Variants in EVL observed in about 807,000 individuals in gnomAD.
The protein encoded by EVL is ena/VASP-like protein.
EVL carries 21 observed loss-of-function variants against 59.6 expected under a neutral mutation model. That is an observed-to-expected ratio of 0.35 (90% CI 0.25 to 0.51). The LOEUF (loss-of-function observed/expected upper bound fraction) is 0.51. EVL is among the 20% of genes least tolerant of loss of function. EVL has a pLI of 0.97. For synonymous variants in EVL, 198 were observed against 203.5 expected (o/e 0.97, Z 0.23); for missense variants, 462 against 546.6 (o/e 0.85, Z 1.54).
At chr14:100,120,265 T>C (rs963297015) in intron 3 of EVL, among the ~76,000 whole-genome samples, 1 of 152,230 alleles carries the variant, frequency 6.6e-6, no homozygotes, top group Non-Finnish European at 1.5e-5. Flanking sequence ...ACCTGAACTT[T>C]TCCCCAAGGG....
At chr14:100,071,914 A>T (rs1196790263) in intron 1 of EVL, among the ~76,000 whole-genome samples, 1 of 152,194 alleles carries the variant, frequency 6.6e-6, no homozygotes, top group Non-Finnish European at 1.5e-5. Flanking sequence ...TCTACTTCAT[A>T]GCATGAAACC....
intron 3 of EVL, among the ~76,000 whole-genome samples, chr14:100,104,895 C>T (rs964307710): frequency 2.3e-4 from 32 of 140,892 alleles, no homozygotes; most frequent in Non-Finnish European, 4.2e-4. Context: ...AGTTTCTCCT[C>T]TCTTTACTTT....
chr14:100,103,967 CGT>C (rs1444033740), intron 3 of EVL, among the ~76,000 whole-genome samples: 5 of 152,084 alleles, frequency 3.3e-5, no homozygotes, highest in Non-Finnish European at 7.4e-5. Context: ...TGCGTGTGAG[CGT>C]GTGTGTGTGC....
intron 1 of EVL, among the ~76,000 whole-genome samples, chr14:100,041,082 G>A (rs2061460597): frequency 6.6e-6 from 1 of 152,142 alleles, no homozygotes; most frequent in Admixed American, 6.5e-5. Context: ...ATGCAGAAAT[G>A]TGTACTTAGA....
At chr14:100,102,154 T>G in intron 3 of EVL, 1 of 422,150 alleles carries the variant, frequency 2.4e-6, no homozygotes, top group Non-Finnish European at 4.8e-6. Flanking sequence ...CATTTTTCCT[T>G]ACTGGTAAGG....
intron 8 of EVL, 78 bp from the exon 9 acceptor site, chr14:100,135,827 T>C (rs1453050252): frequency 7.8e-7 from 1 of 1,278,086 alleles, no homozygotes; most frequent in South Asian, 1.2e-5. Flanking sequence ...AAAACTGAGG[T>C]TTTATGAAGT....
chr14:99,995,414 T>C (rs554192713), intron 1 of EVL, among the ~76,000 whole-genome samples: 1 of 152,204 alleles, frequency 6.6e-6, no homozygotes, highest in Non-Finnish European at 1.5e-5. Context: ...TAAGTGCTTT[T>C]GAACCCCTCT....
intron 3 of EVL, chr14:100,102,165 G>T (rs1886262419): frequency 1.6e-5 from 7 of 438,896 alleles, no homozygotes; most frequent in South Asian, 1.1e-4. Flanking sequence ...ACTGGTAAGG[G>T]TGAACATTTG....
At chr14:100,050,452 C>A (rs753037066) in intron 1 of EVL, among the ~76,000 whole-genome samples, 2 of 151,552 alleles carry the variant, frequency 1.3e-5, no homozygotes, top group Non-Finnish European at 2.9e-5. Flanking sequence ...TGGGTTCACG[C>A]CATTCTCCTG....
intron 1 of EVL, among the ~76,000 whole-genome samples, chr14:99,994,381 AT>A (rs200951287): frequency 1.3e-5 from 2 of 150,054 alleles, no homozygotes; most frequent in South Asian, 2.1e-4. Flanking sequence ...TGTTTTATTG[AT>A]TTTTTTTGTA....
chr14:100,123,633 T>C (rs773985930), intron 4 of EVL, 31 bp downstream of exon 4: 44 of 1,612,528 alleles, frequency 2.7e-5, no homozygotes, highest in Non-Finnish European at 3.6e-5. Context: ...GCCAGGCTGG[T>C]CATCTCCCAA....
chr14:100,068,200 A>G (rs2061973970), intron 1 of EVL, among the ~76,000 whole-genome samples: 1 of 152,110 alleles, frequency 6.6e-6, no homozygotes, highest in South Asian at 2.1e-4. Context: ...TAAAATCTGA[A>G]GGTTTTGGGG....
In EVL at chr14:100,143,852, G is replaced by A. The variant is rs530985582; in HGVS notation, c.*114G>A. 601 of 1,318,962 alleles carry A rather than the reference G, an allele frequency of 4.6e-4. 1 individual carries two copies. The highest frequency in any genetic ancestry group is 7.3e-4 in the Middle Eastern group (4 of 5,468). 81.7% of individuals were successfully genotyped at this position (1,318,962 alleles called of 1,614,324 possible). A position where few individuals can be genotyped will look rare whatever the true frequency, so the allele number is the denominator to read the frequency against. On this transcript the variant is annotated 3_prime_UTR_variant, in exon 14 of 14. Transcript: ENST00000392920. ...AGAGCACGCACAGGAGCCTGGGCGCGCTGCTGTGAAACGTCCTGACCTGTG... is the reference window on the plus strand; with the variant it reads ...AGAGCACGCACAGGAGCCTGGGCGCACTGCTGTGAAACGTCCTGACCTGTG...
At chr14:100,053,915 GA>G (rs1322136435) in intron 1 of EVL, among the ~76,000 whole-genome samples, 1 of 152,066 alleles carries the variant, frequency 6.6e-6, no homozygotes, top group Non-Finnish European at 1.5e-5. Context: ...CCAAAGTGTT[GA>G]GAATACAGGC....
rs200017971 is a variant in EVL at position 100,128,592 on chromosome 14, C to T, written c.561C>T (p.Pro187=). The T allele has an allele frequency of 2.3e-5, 36 of 1,536,858 alleles. No individual in the cohort carries two copies. The East Asian group carries it at 8.0e-4, about 34-fold the overall frequency. The change falls in exon 6 of 14, where the codon CCC becomes CCT. Residue 187 remains proline, a synonymous_variant. Coordinates refer to ENST00000392920, the MANE Select transcript of EVL (RefSeq NM_016337.3). ...APVSCSGPPP[P]PPPPVPPPPT... ...TCTCATGTAGTGGGCCTCCACCGCC[C>T]CCCCCACCCCCAGTCCCACCTCCAC...
At chr14:99,982,167 T>A (rs185554640) in intron 1 of EVL, among the ~76,000 whole-genome samples, 11 of 152,320 alleles carry the variant, frequency 7.2e-5, no homozygotes, top group Non-Finnish European at 1.5e-4. Flanking sequence ...AGTTCCTTTA[T>A]CATTCCCAGG....
chr14:100,124,463 C>T (rs751743201), intron 4 of EVL, among the ~76,000 whole-genome samples: 2 of 152,250 alleles, frequency 1.3e-5, no homozygotes, highest in Non-Finnish European at 2.9e-5. Context: ...TCCAAGCCTC[C>T]GTTTCCCGGT....
chr14:100,123,030 A>ACACCCAGGTTTTAACTCTGACC (rs1887799149), intron 3 of EVL, among the ~76,000 whole-genome samples: 1 of 152,222 alleles, frequency 6.6e-6, no homozygotes, highest in Admixed American at 6.5e-5. Flanking sequence ...CAGCTCAGAC[A>ACACCCAGGTTTTAACTCTGACC]CACCCAGGTT....
At chr14:100,049,877 A>G (rs1259824474) in intron 1 of EVL, among the ~76,000 whole-genome samples, 2 of 152,158 alleles carry the variant, frequency 1.3e-5, no homozygotes, top group Non-Finnish European at 2.9e-5. Context: ...TTTGGATTTT[A>G]TATCGTATAC....
Sources: gnomAD v4.1 joint callset for allele counts (sites outside exome capture counted in the v4.1 genomes callset) on GRCh38, gnomAD v4.1.1 for gene constraint, MANE v1.5 for transcripts, NCBI Gene and HGNC (gene_info 2026-07-23, HGNC 2026-07-21) for gene names.